ARHGAP31: variants seen among roughly 807,000 people sequenced by gnomAD.
The protein encoded by ARHGAP31 is Rho GTPase activating protein 31.
A neutral mutation model predicts 113.9 loss-of-function variants in ARHGAP31; 34 were observed. The observed-to-expected ratio is 0.30, with a 90% CI of 0.23 to 0.40. The LOEUF (loss-of-function observed/expected upper bound fraction) is 0.40. Among genes scored for constraint, ARHGAP31 ranks in the 10% least tolerant of loss-of-function variants. The probability of loss-of-function intolerance (pLI) is 1.00; values close to 1 mark genes in which losing one functional copy is unlikely to be tolerated. For synonymous variants in ARHGAP31, 650 were observed against 684.8 expected (o/e 0.95, Z 0.79); for missense variants, 1,548 against 1,767.1 (o/e 0.88, Z 2.22).
At chr3:119,379,096 G>A (rs896606038) in intron 3 of ARHGAP31, among the ~76,000 whole-genome samples, 1 of 152,164 alleles carries the variant, frequency 6.6e-6, no homozygotes, top group African/African-American at 2.4e-5. Context: ...AATAAAAAAG[G>A]TGAAAAAGAA....
intron 1 of ARHGAP31, among the ~76,000 whole-genome samples, chr3:119,337,091 G>A (rs374701910): frequency 1.1e-4 from 17 of 152,136 alleles, no homozygotes; most frequent in African/African-American, 3.6e-4. Context: ...TTTGGCTGTT[G>A]TGAATAATGG....
chr3:119,330,112 G>T (rs889970073), intron 1 of ARHGAP31: 1 of 738,480 alleles, frequency 1.4e-6, no homozygotes, highest in Non-Finnish European at 1.7e-6. Flanking sequence ...TTAGTGTTGT[G>T]GAGAGAGCCT....
chr3:119,377,725 T>A (rs533210349), intron 3 of ARHGAP31, among the ~76,000 whole-genome samples: 1 of 151,822 alleles, frequency 6.6e-6, no homozygotes, highest in African/African-American at 2.4e-5. Context: ...AGGTTAACTT[T>A]CCTTGTACAT....
At chr3:119,338,253 A>G (rs1184046715) in intron 1 of ARHGAP31, among the ~76,000 whole-genome samples, 1 of 152,130 alleles carries the variant, frequency 6.6e-6, no homozygotes, top group Non-Finnish European at 1.5e-5. Flanking sequence ...TGTTACATGG[A>G]TGTTACTCCT....
chr3:119,323,164 C>A (rs2079808515), intron 1 of ARHGAP31, among the ~76,000 whole-genome samples: 1 of 152,308 alleles, frequency 6.6e-6, no homozygotes, highest in East Asian at 1.9e-4. Context: ...TCACACGCTG[C>A]GGCGACAGGA....
intron 7 of ARHGAP31, among the ~76,000 whole-genome samples, chr3:119,393,096 T>C (rs1229363910): frequency 6.6e-6 from 1 of 152,176 alleles, no homozygotes; most frequent in Non-Finnish European, 1.5e-5. Flanking sequence ...ATAAAATGAA[T>C]GAATGGTGTC....
chr3:119,393,671 T>C, intron 8 of ARHGAP31, 80 bp downstream of exon 8: 2 of 1,528,894 alleles, frequency 1.3e-6, no homozygotes, highest in Non-Finnish European at 1.8e-6. Flanking sequence ...TTTGATCATA[T>C]CAAACACACT....
chr3:119,385,741 G>A (rs2080443968), intron 6 of ARHGAP31, among the ~76,000 whole-genome samples: 1 of 152,222 alleles, frequency 6.6e-6, no homozygotes, highest in Non-Finnish European at 1.5e-5. Context: ...AACCAGAATA[G>A]CTTAGTAACT....
rs117625341 is a variant in ARHGAP31 at position 119,408,361 on chromosome 3, T to C, written c.1646-1135T>C. ...CACTATTGTGAATTCTGAAGCATTT[T>C]AGTTCAGACATCAGAATGCTGTCAC... On this transcript the variant is annotated intron_variant, in intron 10 of 11. Transcript: ENST00000264245. 2.6e-5 allele frequency among the ~76,000 whole-genome samples: 4 copies of C among 152,392 alleles called. No homozygotes were observed. The East Asian group carries it at 7.7e-4, about 29-fold the overall frequency.
At chr3:119,349,443 A>T (rs1212399596) in intron 1 of ARHGAP31, among the ~76,000 whole-genome samples, 1 of 152,190 alleles carries the variant, frequency 6.6e-6, no homozygotes, top group East Asian at 1.9e-4. Flanking sequence ...CGCAGGAGAG[A>T]AGCATCTCCT....
Position 119,402,449 on chromosome 3 carries a change from T to A in ARHGAP31, c.1645+52T>A, listed in dbSNP as rs1375545169. Reference sequence around the variant, plus strand: ...CCGTTGCAAGAGAGAAAAACCAGACTTAAATTTGCTTGAGTTTGCAAGGCA... The same window carrying A: ...CCGTTGCAAGAGAGAAAAACCAGACATAAATTTGCTTGAGTTTGCAAGGCA... On this transcript the variant is annotated intron_variant, in intron 10 of 11. Transcript: ENST00000264245. 6 of 1,579,932 alleles carry A rather than the reference T, an allele frequency of 3.8e-6. No individual in the cohort carries two copies. The Admixed American group carries it at 1.0e-4, about 27-fold the overall frequency.
chr3:119,377,947 G>A (rs893183517), intron 3 of ARHGAP31, among the ~76,000 whole-genome samples: 44 of 152,210 alleles, frequency 2.9e-4, no homozygotes, highest in African/African-American at 9.9e-4. Context: ...AGGGCTGCCC[G>A]GGCAGCAGGA....
rs144389293 is a variant in ARHGAP31 at position 119,337,488 on chromosome 3, C to A, written c.101-27828C>A. 3.9e-3 allele frequency among the ~76,000 whole-genome samples: 592 copies of A among 152,264 alleles called. 14 individuals carry two copies. The highest frequency in any genetic ancestry group is 6.9e-4 in the Non-Finnish European group (47 of 68,022). On this transcript the variant is annotated intron_variant, in intron 1 of 11. Coordinates refer to ENST00000264245, the MANE Select transcript of ARHGAP31 (RefSeq NM_020754.4). ...TACTGCAAAAAGCAAAAGAACAAAG[C>A]TTCCACAATACTGACGGGACCCAAA...
intron 1 of ARHGAP31, among the ~76,000 whole-genome samples, chr3:119,345,189 TG>T (rs1334422375): frequency 5.3e-5 from 8 of 152,134 alleles, no homozygotes; most frequent in Non-Finnish European, 1.2e-4. Context: ...GGATTCACCA[TG>T]TTAGCCAGGA....
At chr3:119,332,750 G>C (rs145771688) in intron 1 of ARHGAP31, among the ~76,000 whole-genome samples, 12 of 150,394 alleles carry the variant, frequency 8.0e-5, no homozygotes, top group African/African-American at 2.7e-4. Context: ...GCCTTTTTTT[G>C]GCAGCTTTGC....
intron 1 of ARHGAP31, among the ~76,000 whole-genome samples, chr3:119,332,629 TCTCTCTCACACACACACACA>T (rs1221209307): frequency 3.5e-4 from 42 of 120,622 alleles, no homozygotes; most frequent in African/African-American, 1.3e-3. Context: ...TCTCTCTCTC[TCTCTCTCACACACACACACA>T]CACACACACA....
At chr3:119,303,728 G>C (rs1415577410) in intron 1 of ARHGAP31, among the ~76,000 whole-genome samples, 1 of 152,112 alleles carries the variant, frequency 6.6e-6, no homozygotes, top group Non-Finnish European at 1.5e-5. Flanking sequence ...CTATGTGAAG[G>C]CAATTGAGCT....
chr3:119,327,696 T>C (rs1379193965), intron 1 of ARHGAP31, among the ~76,000 whole-genome samples: 1 of 152,250 alleles, frequency 6.6e-6, no homozygotes, highest in Non-Finnish European at 1.5e-5. Context: ...TTTACTTCTT[T>C]ATCTTATTTA....
chr3:119,319,584 G>A (rs555658386), intron 1 of ARHGAP31, among the ~76,000 whole-genome samples: 28 of 152,114 alleles, frequency 1.8e-4, no homozygotes, highest in African/African-American at 6.3e-4. Context: ...AAACATTTGC[G>A]CTTATTTCAT....
Sources: gnomAD v4.1 joint callset for allele counts (sites outside exome capture counted in the v4.1 genomes callset) on GRCh38, gnomAD v4.1.1 for gene constraint, MANE v1.5 for transcripts, NCBI Gene and HGNC (gene_info 2026-07-23, HGNC 2026-07-21) for gene names.